The following PPP3CA variants were observed in gnomAD, a reference collection of about 807,000 sequenced individuals.
PPP3CA encodes CAM-PRP catalytic subunit.
In PPP3CA, 14 loss-of-function variants were observed where a neutral mutation model predicts 66.5. That is an observed-to-expected ratio of 0.21 (90% CI 0.14 to 0.33). PPP3CA has a LOEUF of 0.33. Ranked by LOEUF, PPP3CA falls within the 10% of genes least tolerant of loss-of-function variation. The pLI is 1.00. For synonymous variants in PPP3CA, 232 were observed against 226.2 expected, an observed-to-expected ratio of 1.03 and a Z score of -0.23; for missense variants, 317 against 639.5, an observed-to-expected ratio of 0.50 and a Z score of 5.44.
At chr4:101,147,103 A>G (rs1413406849) in intron 2 of PPP3CA, among the ~76,000 whole-genome samples, 1 of 152,256 alleles carries the variant, frequency 6.6e-6, no homozygotes, top group Non-Finnish European at 1.5e-5. Flanking sequence ...ATAGCTAATA[A>G]GTAGCAGAGC....
chr4:101,104,454 A>AT (rs11420114), intron 3 of PPP3CA, among the ~76,000 whole-genome samples: 48,743 of 148,832 alleles, frequency 0.33, 8,436 homozygotes, highest in African/African-American at 0.42. Context: ...TGCATTACTG[A>AT]TTTTTTTTTT....
intron 11 of PPP3CA, among the ~76,000 whole-genome samples, chr4:101,036,480 C>T (rs1373635721): frequency 1.3e-5 from 2 of 151,898 alleles, no homozygotes; most frequent in East Asian, 1.9e-4. Flanking sequence ...GGCGCAATCT[C>T]GGCTCACTGC....
chr4:101,292,348 C>G (rs1234328063), intron 1 of PPP3CA, among the ~76,000 whole-genome samples: 1 of 152,150 alleles, frequency 6.6e-6, no homozygotes, highest in African/African-American at 2.4e-5. Flanking sequence ...AGTTGACTTT[C>G]ATTGCTTTCT....
intron 1 of PPP3CA, among the ~76,000 whole-genome samples, chr4:101,197,838 T>C (rs796280396): frequency 6.6e-6 from 1 of 152,180 alleles, no homozygotes; most frequent in African/African-American, 2.4e-5. Context: ...GTGATTTATG[T>C]GTATAACTTG....
chr4:101,073,995 T>A (rs1312265431), intron 8 of PPP3CA, among the ~76,000 whole-genome samples: 2 of 152,156 alleles, frequency 1.3e-5, no homozygotes, highest in Non-Finnish European at 2.9e-5. Context: ...AAGCATATGC[T>A]GGGAAAACTG....
intron 8 of PPP3CA, among the ~76,000 whole-genome samples, chr4:101,065,913 TTGAGTACCTAC>T (rs1728660788): frequency 6.6e-6 from 1 of 152,152 alleles, no homozygotes; most frequent in Admixed American, 6.6e-5. Context: ...TACAATTTAC[TTGAGTACCTAC>T]TGATAAAGCA....
intron 1 of PPP3CA, among the ~76,000 whole-genome samples, chr4:101,203,905 T>A (rs1049688076): frequency 6.6e-6 from 1 of 152,238 alleles, no homozygotes; most frequent in African/African-American, 2.4e-5. Context: ...TTGAAAAAAG[T>A]TATTTTAATG....
intron 6 of PPP3CA, among the ~76,000 whole-genome samples, chr4:101,092,949 T>C (rs908516523): frequency 4.6e-5 from 7 of 152,214 alleles, no homozygotes; most frequent in African/African-American, 1.7e-4. Flanking sequence ...TAGAATGATA[T>C]ATAATCCTTT....
intron 2 of PPP3CA, among the ~76,000 whole-genome samples, chr4:101,193,711 G>GA (rs1370485142): frequency 5.3e-5 from 8 of 152,040 alleles, no homozygotes; most frequent in South Asian, 2.1e-4. Flanking sequence ...ATTTTTAGGG[G>GA]AAAAAAATCC....
chr4:101,330,476 A>G (rs774139347), intron 1 of PPP3CA: 21 of 524,768 alleles, frequency 4.0e-5, no homozygotes, highest in Non-Finnish European at 6.2e-5. Flanking sequence ...TCAGATGATC[A>G]TTAGCACAAC....
chr4:101,199,850 T>C (rs1413270245), intron 1 of PPP3CA, among the ~76,000 whole-genome samples: 7 of 152,226 alleles, frequency 4.6e-5, no homozygotes, highest in Non-Finnish European at 1.0e-4. Context: ...AGTCTACCTA[T>C]GAACCAAACT....
chr4:101,130,609 A>G (rs1274198970), intron 2 of PPP3CA, among the ~76,000 whole-genome samples: 1 of 152,216 alleles, frequency 6.6e-6, no homozygotes, highest in Non-Finnish European at 1.5e-5. Context: ...GCATTCTAAA[A>G]GAAAAGAATT....
chr4:101,124,701 G>GAA (rs1467156012), intron 2 of PPP3CA, among the ~76,000 whole-genome samples: 6 of 94,434 alleles, frequency 6.4e-5, no homozygotes, highest in African/African-American at 2.7e-4. Flanking sequence ...AAGAAAGAAA[G>GAA]AAAGAAAGAA....
chr4:101,174,196 A>G (rs1263256330), intron 2 of PPP3CA, among the ~76,000 whole-genome samples: 6 of 152,192 alleles, frequency 3.9e-5, no homozygotes, highest in Non-Finnish European at 7.3e-5. Context: ...AAATCTTTTA[A>G]TATACTATGG....
chr4:101,322,799 G>A (rs1350476477), intron 1 of PPP3CA, among the ~76,000 whole-genome samples: 3 of 151,962 alleles, frequency 2.0e-5, no homozygotes, highest in Non-Finnish European at 2.9e-5. Context: ...TCCAGCTTAC[G>A]GTATTTTTGT....
chr4:101,042,493 T>A (rs1419611270), intron 10 of PPP3CA, among the ~76,000 whole-genome samples: 2 of 152,162 alleles, frequency 1.3e-5, no homozygotes. Flanking sequence ...GGAATAAGTG[T>A]CTATCCATGT....
intron 2 of PPP3CA, among the ~76,000 whole-genome samples, chr4:101,195,290 T>C (rs1328230634): frequency 6.6e-6 from 1 of 151,746 alleles, no homozygotes; most frequent in East Asian, 1.9e-4. Context: ...AAAAGATATT[T>C]TGTAGGGACA....
rs185945602 is a variant in PPP3CA at position 101,154,920 on chromosome 4, G to A, written c.259+40996C>T. ...CAACCTCCACCTCCTGGGTTCAAGCGATTCTCCTACCTCAGCCTTCAGAGT... is the reference window on the plus strand; with the variant it reads ...CAACCTCCACCTCCTGGGTTCAAGCAATTCTCCTACCTCAGCCTTCAGAGT... On this transcript the variant is annotated intron_variant, in intron 2 of 13. Coordinates refer to ENST00000394854, the MANE Select transcript of PPP3CA (RefSeq NM_000944.5). Among the ~76,000 whole-genome samples the A allele has an allele frequency of 4.3e-3, 620 of 145,352 alleles. 9 individuals are homozygous for A. Among genetic ancestry groups the A allele is most frequent in the South Asian group, 0.015 (67 of 4,526 alleles).
At chr4:101,041,446 T>TC (rs1352296304) in intron 10 of PPP3CA, among the ~76,000 whole-genome samples, 1 of 145,760 alleles carries the variant, frequency 6.9e-6, no homozygotes, top group Non-Finnish European at 1.5e-5. Flanking sequence ...TTTTTTTTTT[T>TC]TTTTTTGAGA....
Sources: gnomAD v4.1 joint callset for allele counts (sites outside exome capture counted in the v4.1 genomes callset) on GRCh38, gnomAD v4.1.1 for gene constraint, MANE v1.5 for transcripts, NCBI Gene and HGNC (gene_info 2026-07-23, HGNC 2026-07-21) for gene names.